Variants in ANKDD1A observed in about 807,000 individuals in gnomAD.
ANKDD1A encodes the protein ankyrin repeat and death domain containing 1A.
Under a neutral mutation model 63.5 loss-of-function variants are expected in ANKDD1A, and 59 were observed. The observed-to-expected ratio is 0.93, with a 90% CI of 0.75 to 1.15. The LOEUF (loss-of-function observed/expected upper bound fraction) is 1.15. Ranked by LOEUF, ANKDD1A falls within the 50% of genes most tolerant of loss-of-function variation. The pLI is 0.00. For missense variants in ANKDD1A, 632 were observed against 656.4 expected (o/e 0.96, Z 0.41); for synonymous variants, 266 against 263.9 (o/e 1.01, Z -0.08).
chr15:64,925,672 C>T (rs1026112920), intron 4 of ANKDD1A, among the ~76,000 whole-genome samples: 1 of 152,190 alleles, frequency 6.6e-6, no homozygotes, highest in African/African-American at 2.4e-5. Flanking sequence ...CACGACCTCA[C>T]CGTACATGTT....
chr15:64,953,691 CCTTCTTCTTT>C (rs1425082531), intron 14 of ANKDD1A, among the ~76,000 whole-genome samples: 1 of 69,930 alleles, frequency 1.4e-5, no homozygotes, highest in East Asian at 3.3e-4. Flanking sequence ...TCTCCTTCTC[CCTTCTTCTTT>C]CTTCTTCTCC....
intron 2 of ANKDD1A, 151 bp downstream of exon 2, chr15:64,916,051 T>C (rs2084966291): frequency 1.3e-6 from 1 of 742,572 alleles, no homozygotes; most frequent in African/African-American, 1.8e-5. Flanking sequence ...ATGGCCTGCA[T>C]TGTCTCGAGG....
Position 64,935,436 on chromosome 15 carries a change from G to A in ANKDD1A, c.867+1202G>A, listed in dbSNP as rs536307192. 4.6e-5 allele frequency among the ~76,000 whole-genome samples: 7 copies of A among 152,182 alleles called. No homozygotes were observed. The East Asian group carries it at 7.7e-4, about 17-fold the overall frequency. On this transcript the variant is annotated intron_variant, in intron 9 of 14. Transcript: ENST00000319580. Reference sequence around the variant, plus strand: ...CACACCTGGAATCCCAGCACTTTGGGAGGCCGAGGCGGGCGGATCACGAGG... The same window carrying A: ...CACACCTGGAATCCCAGCACTTTGGAAGGCCGAGGCGGGCGGATCACGAGG...
chr15:64,929,066 C>T (rs1023317220), intron 6 of ANKDD1A, among the ~76,000 whole-genome samples: 2 of 152,188 alleles, frequency 1.3e-5, no homozygotes, highest in African/African-American at 2.4e-5. Context: ...TGTCCTGGCT[C>T]GCAGCAGCCA....
At chr15:64,921,144 C>T (rs757900259) in intron 3 of ANKDD1A, among the ~76,000 whole-genome samples, 4 of 151,532 alleles carry the variant, frequency 2.6e-5, no homozygotes, top group African/African-American at 2.4e-5. Context: ...CTTATTTTTA[C>T]GAAAATGTCT....
intron 13 of ANKDD1A, among the ~76,000 whole-genome samples, chr15:64,948,181 C>T (rs1053361941): frequency 6.6e-6 from 1 of 152,102 alleles, no homozygotes; most frequent in Admixed American, 6.5e-5. Context: ...AAAAGAGATT[C>T]CATTTACAAT....
At chr15:64,954,634 T>TTCG (rs1323470752) in intron 14 of ANKDD1A, among the ~76,000 whole-genome samples, 47 of 4,976 alleles carry the variant, frequency 9.4e-3, no homozygotes, top group Middle Eastern at 0.17. Context: ...CTTCTTCCTT[T>TTCG]TCTTCTTCCT....
intron 9 of ANKDD1A, among the ~76,000 whole-genome samples, chr15:64,935,591 C>T (rs2085124555): frequency 6.6e-6 from 1 of 151,940 alleles, no homozygotes; most frequent in Admixed American, 6.6e-5. Context: ...AGGAGAATGG[C>T]ATGAACCCGG....
intron 9 of ANKDD1A, among the ~76,000 whole-genome samples, chr15:64,939,758 T>C (rs1272620817): frequency 6.6e-6 from 1 of 152,206 alleles, no homozygotes; most frequent in Non-Finnish European, 1.5e-5. Flanking sequence ...TTTGATAGCC[T>C]TTTCAACAAA....
chr15:64,954,996 CTCTTTCCTTCT>C (rs968792264), intron 14 of ANKDD1A, among the ~76,000 whole-genome samples: 22 of 149,436 alleles, frequency 1.5e-4, no homozygotes, highest in Non-Finnish European at 2.5e-4. Context: ...TCTCCTCTTC[CTCTTTCCTTCT>C]TCTTCCACTT....
intron 1 of ANKDD1A, among the ~76,000 whole-genome samples, chr15:64,914,755 C>T (rs1453271153): frequency 6.6e-6 from 1 of 152,194 alleles, no homozygotes; most frequent in Non-Finnish European, 1.5e-5. Context: ...AGGATGATGG[C>T]AGCATGGGGC....
Position 64,931,584 on chromosome 15 carries a change from A to G in ANKDD1A, c.767A>G (p.Gln256Arg). Reference protein sequence around the residue: ...RAGSTVNALTQKNLSCLHYAA... With the variant: ...RAGSTVNALTRKNLSCLHYAA... Reference sequence around the variant, plus strand: ...GGGAGCACCGTGAATGCCCTCACCCAGGTAGCCAGGCCCTCCCAAGACTGC... The same window carrying G: ...GGGAGCACCGTGAATGCCCTCACCCGGGTAGCCAGGCCCTCCCAAGACTGC... The change falls in exon 8 of 15, where the codon CAG (glutamine) becomes CGG (arginine). Residue 256 changes from glutamine to arginine, a missense_variant and splice_region_variant. Coordinates refer to ENST00000319580, the MANE Select transcript of ANKDD1A (RefSeq NM_182703.6). The G allele has an allele frequency of 1.2e-6, 2 of 1,613,814 alleles. No individual in the cohort carries two copies. The highest frequency in any genetic ancestry group is 1.1e-5 in the South Asian group (1 of 91,078).
intron 14 of ANKDD1A, among the ~76,000 whole-genome samples, chr15:64,954,054 TC>T (rs2085372010): frequency 8.6e-5 from 2 of 23,166 alleles, no homozygotes; most frequent in Admixed American, 6.8e-4. Context: ...TCTTCTTTTC[TC>T]CTTCTTCTTT....
At chr15:64,925,888 C>A (rs1329438340) in intron 4 of ANKDD1A, among the ~76,000 whole-genome samples, 178 bp from the exon 5 acceptor site, 2 of 152,104 alleles carry the variant, frequency 1.3e-5, no homozygotes, top group Non-Finnish European at 2.9e-5. Context: ...TGCCAGCCCC[C>A]CTAAGGCTAA....
intron 3 of ANKDD1A, among the ~76,000 whole-genome samples, chr15:64,920,290 A>T (rs1371277425): frequency 1.3e-5 from 2 of 151,812 alleles, no homozygotes; most frequent in Non-Finnish European, 2.9e-5. Flanking sequence ...CAGTGAAGGG[A>T]CTCTGGGGAC....
chr15:64,916,884 G>A (rs2084971727), intron 2 of ANKDD1A, among the ~76,000 whole-genome samples: 1 of 152,224 alleles, frequency 6.6e-6, no homozygotes, highest in Non-Finnish European at 1.5e-5. Context: ...CTGCCAAGGT[G>A]GTCTGAGAAT....
chr15:64,913,561 G>A (rs1431021195), intron 1 of ANKDD1A, among the ~76,000 whole-genome samples: 2 of 152,138 alleles, frequency 1.3e-5, no homozygotes, highest in African/African-American at 2.4e-5. Context: ...CTAGGAAGTG[G>A]TTAAGCCAGA....
chr15:64,953,162 TTC>T (rs1359726001), intron 14 of ANKDD1A, among the ~76,000 whole-genome samples: 42 of 32,986 alleles, frequency 1.3e-3, no homozygotes, highest in Non-Finnish European at 3.1e-3. Flanking sequence ...CCTTTCTTCT[TTC>T]CTTCTTTTCT....
At chr15:64,953,673 T>TTCTC (rs1595860445) in intron 14 of ANKDD1A, among the ~76,000 whole-genome samples, 227 of 76,902 alleles carry the variant, frequency 3.0e-3, no homozygotes, top group South Asian at 8.5e-3. Flanking sequence ...TTCTTCTCCT[T>TTCTC]CTTTTCTTCT....
Sources: gnomAD v4.1 joint callset for allele counts (sites outside exome capture counted in the v4.1 genomes callset) on GRCh38, gnomAD v4.1.1 for gene constraint, MANE v1.5 for transcripts, NCBI Gene and HGNC (gene_info 2026-07-23, HGNC 2026-07-21) for gene names.